Variants in CCDC134 observed in about 807,000 individuals in gnomAD.
CCDC134 encodes coiled-coil domain-containing protein 134.
CCDC134 carries 27 observed loss-of-function variants against 25.6 expected under a neutral mutation model. That is an observed-to-expected ratio of 1.05 (90% CI 0.78 to 1.45). The LOEUF (loss-of-function observed/expected upper bound fraction) is 1.45. CCDC134 is among the 40% of genes most tolerant of loss of function. The pLI, the probability that CCDC134 is intolerant of heterozygous loss-of-function variation, is 0.00. For missense variants in CCDC134, 261 were observed against 286.7 expected, an observed-to-expected ratio of 0.91 and a Z score of 0.65; for synonymous variants, 110 against 115.0, an observed-to-expected ratio of 0.96 and a Z score of 0.28.
chr22:41,823,730 A>G (rs924233343), intron 6 of CCDC134, among the ~76,000 whole-genome samples: 10 of 152,364 alleles, frequency 6.6e-5, no homozygotes, highest in African/African-American at 2.2e-4. Context: ...ATCACAGGGC[A>G]CACTCACACA....
Position 41,825,982 on chromosome 22 carries a change from G to T in CCDC134, c.*159G>T. 2 of 989,238 alleles carry T rather than the reference G, an allele frequency of 2.0e-6. No homozygotes were observed. The highest frequency in any genetic ancestry group is 3.3e-5 in the African/African-American group (2 of 61,486). The allele number at this position is 989,238 out of a possible 1,614,324, so 61.3% of individuals were successfully genotyped here. A position where few individuals can be genotyped will look rare whatever the true frequency, so the allele number is the denominator to read the frequency against. ...GAGCTGGGTCTGAGCCCCAGCTGAA[G>T]GGACTGAGCCTCAGATGGCTGGATT... is the stretch of plus-strand genomic sequence containing the variant. On this transcript the variant is annotated 3_prime_UTR_variant, in exon 7 of 7. Transcript: ENST00000255784. The surrounding 1 kb of genome is among the most constrained non-coding windows in gnomAD (Gnocchi z 4.4).
chr22:41,813,912 C>A, intron 6 of CCDC134, 90 bp downstream of exon 6: 1 of 1,249,826 alleles, frequency 8.0e-7, no homozygotes, highest in Non-Finnish European at 1.2e-6. Context: ...CCTTGGGTGG[C>A]TTTGGACTTG....
chr22:41,803,369 G>T (rs1717773714), intron 1 of CCDC134, among the ~76,000 whole-genome samples: 2 of 152,164 alleles, frequency 1.3e-5, no homozygotes, highest in African/African-American at 4.8e-5. Flanking sequence ...TTCAATTTTG[G>T]CTGTTCCATA....
At chr22:41,804,557 C>T (rs2076559239) in intron 1 of CCDC134, among the ~76,000 whole-genome samples, 1 of 152,066 alleles carries the variant, frequency 6.6e-6, no homozygotes, top group South Asian at 2.1e-4. Context: ...ATAGGAATAA[C>T]AGATTTAAAA....
chr22:41,829,636 A>G lies in CCDC134; in HGVS notation c.*3813A>G, dbSNP rs1052241082. On this transcript the variant is annotated 3_prime_UTR_variant, in exon 7 of 7. Transcript: ENST00000255784. The stretch of plus-strand genomic sequence containing the variant: ...GAAAAGGACAGGTGCTGTGGGAAAA[A>G]GGGGAAAGTGTCAGAGGAAGTAAAT... Among the ~76,000 whole-genome samples, 1 of 152,160 alleles carries G rather than the reference A, an allele frequency of 6.6e-6. No homozygotes were observed. Among genetic ancestry groups the G allele is most frequent in the African/African-American group, 2.4e-5 (1 of 41,434 alleles).
In CCDC134 at chr22:41,810,171, C is replaced by G. The variant is rs766175068; in HGVS notation, c.226-36C>G. ...GGATGGGAGCAGTCTGTGATGGGCACTGCGAAGCCACTCAGCCCTGGCGGG... is the reference window on the plus strand; with the variant it reads ...GGATGGGAGCAGTCTGTGATGGGCAGTGCGAAGCCACTCAGCCCTGGCGGG... On this transcript the variant is annotated intron_variant, in intron 3 of 6. Coordinates refer to ENST00000255784, the MANE Select transcript of CCDC134 (RefSeq NM_024821.5). 1.9e-6 allele frequency: 3 copies of G among 1,608,670 alleles called. No individual in the cohort carries two copies. The African/African-American group carries it at 4.0e-5, about 22-fold the overall frequency.
At position 41,829,355 on chromosome 22, in the gene CCDC134, A is replaced by G. The variant is rs1462621846; in HGVS notation, c.*3532A>G. On this transcript the variant is annotated 3_prime_UTR_variant, in exon 7 of 7. Coordinates refer to ENST00000255784, the MANE Select transcript of CCDC134 (RefSeq NM_024821.5). ...TCTTTCCTCACCTGCCCCCGTTTGCATGAAGTTTTTTATGGAGCTGTTTCT... is the reference window on the plus strand; with the variant it reads ...TCTTTCCTCACCTGCCCCCGTTTGCGTGAAGTTTTTTATGGAGCTGTTTCT... Among the ~76,000 whole-genome samples the G allele has an allele frequency of 6.6e-6, 1 of 152,182 alleles. No individual in the cohort carries two copies. The highest frequency in any genetic ancestry group is 6.5e-5 in the Admixed American group (1 of 15,276).
chr22:41,830,699 C>G lies in CCDC134; in HGVS notation c.*4876C>G, dbSNP rs571712891. Among the ~76,000 whole-genome samples the G allele has an allele frequency of 6.6e-6, 1 of 152,112 alleles. No homozygotes were observed. Among genetic ancestry groups the G allele is most frequent in the African/African-American group, 2.4e-5 (1 of 41,400 alleles). On this transcript the variant is annotated 3_prime_UTR_variant, in exon 7 of 7. Transcript: ENST00000255784. ...CTATCTATTTCTCATTAGTTATACA[C>G]GTTCATTATAAAACGTAATTTAAGC...
chr22:41,824,738 C>T (rs545592261), intron 6 of CCDC134, among the ~76,000 whole-genome samples: 84 of 152,038 alleles, frequency 5.5e-4, no homozygotes, highest in Non-Finnish European at 1.0e-3. Context: ...CCAGCCTGAG[C>T]GACAGAGCAA....
In CCDC134 at chr22:41,825,998, T is replaced by A. The variant is rs1349633432; in HGVS notation, c.*175T>A. ...CCAGCTGAAGGGACTGAGCCTCAGA[T>A]GGCTGGATTTTCTCTCAGGGGCCTC... On this transcript the variant is annotated 3_prime_UTR_variant, in exon 7 of 7. Transcript: ENST00000255784. This position sits in a 1 kb window ranked among gnomAD's most constrained non-coding sequence, Gnocchi z 4.4. 8 of 822,612 alleles carry A rather than the reference T, an allele frequency of 9.7e-6. No homozygotes were observed. The highest frequency in any genetic ancestry group is 7.5e-5 in the Admixed American group (3 of 39,804). The allele number at this position is 822,612 out of a possible 1,614,324, so 51.0% of individuals were successfully genotyped here. A position where few individuals can be genotyped will look rare whatever the true frequency, so the allele number is the denominator to read the frequency against.
At chr22:41,809,849 A>T (rs2076585411) in intron 2 of CCDC134, 30 bp from the exon 3 acceptor site, 1 of 1,613,590 alleles carries the variant, frequency 6.2e-7, no homozygotes, top group Non-Finnish European at 8.5e-7. Flanking sequence ...AGGGCTATTG[A>T]TGCCAGCCCC....
intron 6 of CCDC134, 91 bp downstream of exon 6, chr22:41,813,913 T>A: frequency 8.1e-7 from 1 of 1,229,796 alleles, no homozygotes. Flanking sequence ...CTTGGGTGGC[T>A]TTGGACTTGG....
chr22:41,812,374 ATCATGCCACTGCAC>A (rs2076600619), intron 4 of CCDC134, among the ~76,000 whole-genome samples: 1 of 150,538 alleles, frequency 6.6e-6, no homozygotes, highest in African/African-American at 2.5e-5. Flanking sequence ...GTGAGCCAAA[ATCATGCCACTGCAC>A]TCCAGCCTGG....
chr22:41,831,841 G>A lies in CCDC134; in HGVS notation c.*6018G>A. 1 of 151,982 alleles carries A rather than the reference G, an allele frequency of 6.6e-6. No individual in the cohort carries two copies. The highest frequency in any genetic ancestry group is 1.9e-4 in the East Asian group (1 of 5,194). 9.4% of individuals were successfully genotyped at this position (151,982 alleles called of 1,614,324 possible). A position where few individuals can be genotyped will look rare whatever the true frequency, so the allele number is the denominator to read the frequency against. The stretch of plus-strand genomic sequence containing the variant: ...TAGACTGGAAGCTCTCAGAGGGCAG[G>A]AACCATTTGTTTCCCTGCCACAGAG... On this transcript the variant is annotated 3_prime_UTR_variant, in exon 7 of 7. Transcript: ENST00000255784.
rs547364842 is a variant in CCDC134, at chr22:41,827,764, G to A, written c.*1941G>A. Among the ~76,000 whole-genome samples, 13 of 152,316 alleles carry A rather than the reference G, an allele frequency of 8.5e-5. No homozygotes were observed. Among genetic ancestry groups the A allele is most frequent in the African/African-American group, 2.6e-4 (11 of 41,566 alleles). On this transcript the variant is annotated 3_prime_UTR_variant, in exon 7 of 7. Transcript: ENST00000255784. ...CCAGACCCTATTTTCCTGCATCAAC[G>A]GGAAAGGGTCAGATTCACTGGCTCA...
intron 4 of CCDC134, among the ~76,000 whole-genome samples, chr22:41,812,725 A>G (rs774035016): frequency 6.6e-6 from 1 of 152,166 alleles, no homozygotes; most frequent in Non-Finnish European, 1.5e-5. Context: ...AAGAATATTA[A>G]AAAAGAAAAA....
At chr22:41,801,690 C>G in intron 1 of CCDC134, among the ~76,000 whole-genome samples, 1 of 152,118 alleles carries the variant, frequency 6.6e-6, no homozygotes, top group East Asian at 1.9e-4. Context: ...CTACTAGAGA[C>G]AAGTACCATG....
At chr22:41,813,880 C>T (rs755754669) in intron 6 of CCDC134, 58 bp downstream of exon 6, 11 of 1,520,076 alleles carry the variant, frequency 7.2e-6, no homozygotes, top group Admixed American at 3.4e-5. Flanking sequence ...CATAGGACAC[C>T]GAGGCCTGCA....
intron 6 of CCDC134, among the ~76,000 whole-genome samples, chr22:41,818,463 A>T (rs1487349857): frequency 6.6e-6 from 1 of 152,196 alleles, no homozygotes; most frequent in Non-Finnish European, 1.5e-5. Flanking sequence ...AAGTTCCCAG[A>T]TGTCTGCTAA....
Sources: allele counts gnomAD v4.1 joint callset (sites outside exome capture counted in the v4.1 genomes callset), GRCh38; gene constraint gnomAD v4.1.1; non-coding constraint Gnocchi (gnomAD v3.1); transcripts MANE v1.5; gene names NCBI Gene and HGNC (gene_info 2026-07-23, HGNC 2026-07-21).